Variants in RIMS1 observed in about 807,000 individuals in gnomAD.
RIMS1 encodes regulating synaptic membrane exocytosis protein 1.
RIMS1 carries 83 observed loss-of-function variants against 214.1 expected under a neutral mutation model. That is an observed-to-expected ratio of 0.39 (90% CI 0.32 to 0.47). The LOEUF (loss-of-function observed/expected upper bound fraction) is 0.47, where lower values mean the gene tolerates loss of function less well. Ranked by LOEUF, RIMS1 falls within the 20% of genes least tolerant of loss-of-function variation. The probability of loss-of-function intolerance (pLI) is 0.99; values close to 1 mark genes in which losing one functional copy is unlikely to be tolerated. For missense variants in RIMS1, 2,050 were observed against 2,161.8 expected (o/e 0.95, Z 1.03); for synonymous variants, 793 against 786.8 (o/e 1.01, Z -0.13).
intron 2 of RIMS1, among the ~76,000 whole-genome samples, chr6:72,070,347 T>C (rs570667801): frequency 2.7e-4 from 41 of 152,308 alleles, no homozygotes; most frequent in African/African-American, 9.4e-4. Context: ...TGAACTCATA[T>C]TGATTTCTGA....
At chr6:71,929,637 G>A (rs752725874) in intron 1 of RIMS1, among the ~76,000 whole-genome samples, 2 of 152,006 alleles carry the variant, frequency 1.3e-5, no homozygotes, top group Non-Finnish European at 2.9e-5. Flanking sequence ...AGAAGATTTG[G>A]AATGGAATGA....
intron 1 of RIMS1, among the ~76,000 whole-genome samples, chr6:71,906,004 C>T (rs1264038184): frequency 6.6e-6 from 1 of 152,130 alleles, no homozygotes; most frequent in African/African-American, 2.4e-5. Flanking sequence ...CCTCCTTATG[C>T]CTGTACTCCA....
chr6:72,262,671 G>T, intron 19 of RIMS1: 1 of 860,970 alleles, frequency 1.2e-6, no homozygotes, highest in Non-Finnish European at 1.4e-6. Context: ...GTATAAAAAT[G>T]AATGTCAAAA....
At chr6:72,236,482 CT>C (rs1356108699) in intron 8 of RIMS1, among the ~76,000 whole-genome samples, 1 of 152,072 alleles carries the variant, frequency 6.6e-6, no homozygotes, top group African/African-American at 2.4e-5. Flanking sequence ...AAGAACTGAT[CT>C]TGACAATGGG....
chr6:71,955,300 G>T (rs566732848), intron 1 of RIMS1, among the ~76,000 whole-genome samples: 5 of 152,144 alleles, frequency 3.3e-5, no homozygotes, highest in African/African-American at 1.2e-4. Context: ...CTGGGTAGCT[G>T]GGATTACAGG....
At chr6:72,213,428 A>G (rs530257633) in intron 6 of RIMS1, among the ~76,000 whole-genome samples, 21 of 152,186 alleles carry the variant, frequency 1.4e-4, no homozygotes, top group Non-Finnish European at 2.5e-4. Context: ...AGGGTTTATA[A>G]TATAGCTCTA....
At chr6:72,280,266 G>A (rs1244877220) in intron 23 of RIMS1, among the ~76,000 whole-genome samples, 1 of 151,930 alleles carries the variant, frequency 6.6e-6, no homozygotes, top group Non-Finnish European at 1.5e-5. Context: ...GGAACTTAAA[G>A]TGGTATAAGG....
rs1270228676 is a variant in RIMS1, at chr6:72,402,963, A to G, written c.*2249A>G. 1 of 152,482 alleles carries G rather than the reference A, an allele frequency of 6.6e-6. No individual in the cohort carries two copies. Among genetic ancestry groups the G allele is most frequent in the African/African-American group, 2.4e-5 (1 of 41,414 alleles). The allele number at this position is 152,482 out of a possible 1,614,324, so 9.4% of individuals were successfully genotyped here. The stretch of plus-strand genomic sequence containing the variant: ...ACTGCACTATATTATGTCTTAATCG[A>G]TGGCCCAAAGGGTACTTTGCATCAC... On this transcript the variant is annotated 3_prime_UTR_variant, in exon 34 of 34. Transcript: ENST00000521978.
At chr6:72,400,443 G>A (rs1429208082) in intron 33 of RIMS1, 53 bp from the exon 34 acceptor site, 10 of 1,516,152 alleles carry the variant, frequency 6.6e-6, no homozygotes, top group Non-Finnish European at 8.2e-6. Context: ...TGAGCCCTTC[G>A]AATGTGAAGC....
rs577824204 is a variant in RIMS1, at chr6:72,253,744, C to T, written c.2770+912C>T. Among the ~76,000 whole-genome samples the T allele has an allele frequency of 1.2e-4, 18 of 152,198 alleles. No individual in the cohort carries two copies. In the South Asian group the frequency reaches 2.3e-3, roughly 19 times the overall value. On this transcript the variant is annotated intron_variant, in intron 16 of 33. Transcript: ENST00000521978. The stretch of plus-strand genomic sequence containing the variant: ...GTTTTGCTCAAATTGGTAGATTCTA[C>T]GATACTAACTTCACAGTTTGGAGAG...
chr6:72,237,371 G>C (rs901105035), intron 8 of RIMS1, among the ~76,000 whole-genome samples: 15 of 152,010 alleles, frequency 9.9e-5, no homozygotes, highest in Admixed American at 2.0e-4. Flanking sequence ...TGTGCTCCCA[G>C]CTACTTTAAT....
At chr6:71,908,674 T>A (rs1318564691) in intron 1 of RIMS1, among the ~76,000 whole-genome samples, 2 of 152,236 alleles carry the variant, frequency 1.3e-5, no homozygotes, top group Non-Finnish European at 2.9e-5. Flanking sequence ...GGATGCTGCG[T>A]TGGCAGCACA....
At chr6:71,977,387 A>G (rs779531224) in intron 2 of RIMS1, among the ~76,000 whole-genome samples, 14 of 152,158 alleles carry the variant, frequency 9.2e-5, no homozygotes, top group Non-Finnish European at 1.9e-4. Flanking sequence ...TGGCCTATTT[A>G]TTCTCTCTTC....
intron 7 of RIMS1, among the ~76,000 whole-genome samples, chr6:72,234,827 G>A (rs76731591): frequency 0.074 from 11,168 of 151,906 alleles, 481 homozygotes; most frequent in Non-Finnish European, 0.1. Flanking sequence ...ACAGTTTATA[G>A]CTTGTTCAGA....
intron 4 of RIMS1, among the ~76,000 whole-genome samples, chr6:72,105,801 A>G (rs1331195411): frequency 6.6e-6 from 1 of 152,172 alleles, no homozygotes; most frequent in Non-Finnish European, 1.5e-5. Flanking sequence ...ACAACTGTCT[A>G]GTAATTCAGC....
Position 72,400,605 on chromosome 6 carries a change from A to G in RIMS1, c.4970A>G (p.Lys1657Arg), listed in dbSNP as rs2098829238. The G allele has an allele frequency of 1.2e-6, 2 of 1,613,800 alleles. No homozygotes were observed. Among genetic ancestry groups the G allele is most frequent in the Middle Eastern group, 1.6e-4 (1 of 6,062 alleles). Residue 1657 changes from lysine to arginine, a missense_variant, in exon 34 of 34, where the codon AAA (lysine) becomes AGA (arginine). Physicochemically the swap from Lys to Arg is conservative, Grantham distance 26 (BLOSUM62 2). Transcript: ENST00000521978. ...TCCAGCATGGTGATCGGATGGTACA[A>G]ATTGTTCCCACCGTCCTCACTGGTG... is the stretch of plus-strand genomic sequence containing the variant. The part of the protein sequence containing the change: ...DLSSMVIGWY[K>R]LFPPSSLVDP...
intron 2 of RIMS1, among the ~76,000 whole-genome samples, chr6:72,028,559 G>C (rs1182404335): frequency 6.6e-6 from 1 of 152,138 alleles, no homozygotes; most frequent in Non-Finnish European, 1.5e-5. Flanking sequence ...GATGGAAAAT[G>C]AAATGCTTCC....
chr6:71,888,642 G>A (rs1768609447), intron 1 of RIMS1, among the ~76,000 whole-genome samples: 1 of 152,242 alleles, frequency 6.6e-6, no homozygotes, highest in Non-Finnish European at 1.5e-5. Context: ...CACTCAGATA[G>A]GGGAGGGGGA....
chr6:72,017,746 GC>G (rs1813244151), intron 2 of RIMS1, among the ~76,000 whole-genome samples: 1 of 152,160 alleles, frequency 6.6e-6, no homozygotes, highest in South Asian at 2.1e-4. Flanking sequence ...GAGAATAGGG[GC>G]AGGGAGTATT....
Sources: gnomAD v4.1 joint callset for allele counts (sites outside exome capture counted in the v4.1 genomes callset) on GRCh38, gnomAD v4.1.1 for gene constraint, MANE v1.5 for transcripts, NCBI Gene and HGNC (gene_info 2026-07-23, HGNC 2026-07-21) for gene names.